The following MPHOSPH8 variants were observed in gnomAD, a reference collection of about 807,000 sequenced individuals.
MPHOSPH8 encodes M-phase phosphoprotein 8, also known as M-phase phosphoprotein, mpp.
In MPHOSPH8, 45 loss-of-function variants were observed where a neutral mutation model predicts 87.3. The ratio of observed to expected loss-of-function variants is 0.52; its 90% CI spans 0.41 to 0.66. MPHOSPH8 has a LOEUF of 0.66. Ranked by LOEUF, MPHOSPH8 falls within the 30% of genes least tolerant of loss-of-function variation. The pLI is 0.00. For synonymous variants in MPHOSPH8, 366 were observed against 376.9 expected (o/e 0.97, Z 0.33); for missense variants, 883 against 1,020.2 (o/e 0.87, Z 1.83).
Position 19,659,179 on chromosome 13 carries a change from CTT to C in MPHOSPH8, c.1703-21_1703-20del, listed in dbSNP as rs754325512. On this transcript the variant is annotated intron_variant, in intron 6 of 13. Transcript: ENST00000361479. Reference sequence around the variant, plus strand: ...ACAAATCTAGATTTATAAAATCTAACTTATTTTTTCTTTCATTTTAGATGTGT... The same window carrying C: ...ACAAATCTAGATTTATAAAATCTAACATTTTTTCTTTCATTTTAGATGTGT... 1.9e-6 allele frequency: 3 copies of C among 1,607,896 alleles called. No individual in the cohort carries two copies. The African/African-American group carries it at 4.0e-5, about 22-fold the overall frequency.
In MPHOSPH8 at chr13:19,672,015, T is replaced by C; in HGVS notation, c.*140T>C. 1.2e-6 allele frequency: 1 copy of C among 807,780 alleles called. No homozygotes were observed. The highest frequency in any genetic ancestry group is 2.0e-6 in the Non-Finnish European group (1 of 492,394). The allele number at this position is 807,780 out of a possible 1,614,324, so 50.0% of individuals were successfully genotyped here. On this transcript the variant is annotated 3_prime_UTR_variant, in exon 14 of 14. Coordinates refer to ENST00000361479, the MANE Select transcript of MPHOSPH8 (RefSeq NM_017520.4). ...CAGTTAAGCCTGTTGTCTGTTGTAG[T>C]CTGTAAGATGCGACATAGCTGTGTC...
Position 19,671,976 on chromosome 13 carries a change from C to T in MPHOSPH8, c.*101C>T, listed in dbSNP as rs1158693360. 1 of 1,215,048 alleles carries T rather than the reference C, an allele frequency of 8.2e-7. No individual in the cohort carries two copies. Among genetic ancestry groups the T allele is most frequent in the Non-Finnish European group, 1.2e-6 (1 of 831,884 alleles). The allele number at this position is 1,215,048 out of a possible 1,614,324, so 75.3% of individuals were successfully genotyped here. On this transcript the variant is annotated 3_prime_UTR_variant, in exon 14 of 14. Coordinates refer to ENST00000361479, the MANE Select transcript of MPHOSPH8 (RefSeq NM_017520.4). The stretch of plus-strand genomic sequence containing the variant: ...CTAGCACATCTATGTAAAGTTTTGT[C>T]TGTAAACCTCTTGCAGTTAAGCCTG...
chr13:19,666,616 T>C (rs750443216), intron 10 of MPHOSPH8, 37 bp downstream of exon 10: 2 of 1,541,966 alleles, frequency 1.3e-6, no homozygotes, highest in Non-Finnish European at 1.8e-6. Flanking sequence ...TTAAGTCACA[T>C]ATCATACATC....
In MPHOSPH8 at chr13:19,672,430, C is replaced by T. The variant is rs1342907237; in HGVS notation, c.*555C>T. Reference sequence around the variant, plus strand: ...AAGTGCTTGGATTACAGGCATGAGCCACCGCACCCAGCAAGAGTTATTTTC... The same window carrying T: ...AAGTGCTTGGATTACAGGCATGAGCTACCGCACCCAGCAAGAGTTATTTTC... On this transcript the variant is annotated 3_prime_UTR_variant, in exon 14 of 14. Transcript: ENST00000361479. 1 of 151,924 alleles carries T rather than the reference C, an allele frequency of 6.6e-6. No individual in the cohort carries two copies. Among genetic ancestry groups the T allele is most frequent in the South Asian group, 2.1e-4 (1 of 4,832 alleles). 9.4% of individuals were successfully genotyped at this position (151,924 alleles called of 1,614,324 possible).
chr13:19,661,465 G>A (rs1251002900), intron 7 of MPHOSPH8, among the ~76,000 whole-genome samples: 1 of 152,164 alleles, frequency 6.6e-6, no homozygotes, highest in Non-Finnish European at 1.5e-5. Context: ...AGTGAAACAA[G>A]GTAGGCCTAT....
At chr13:19,666,342 C>A in intron 9 of MPHOSPH8, 83 bp from the exon 10 acceptor site, 1 of 1,386,636 alleles carries the variant, frequency 7.2e-7, no homozygotes, top group Non-Finnish European at 9.8e-7. Flanking sequence ...TTCACAGAAC[C>A]GCTAAGCATG....
At chr13:19,650,404 T>A in intron 5 of MPHOSPH8, 144 bp downstream of exon 5, 8 of 952,584 alleles carry the variant, frequency 8.4e-6, no homozygotes, top group Non-Finnish European at 1.2e-5. Context: ...AATAACATTT[T>A]ATATTGAAGA....
chr13:19,642,480 CAA>C (rs767293842), intron 2 of MPHOSPH8, among the ~76,000 whole-genome samples: 1 of 152,046 alleles, frequency 6.6e-6, no homozygotes, highest in Non-Finnish European at 1.5e-5. Context: ...AGTTGACAAA[CAA>C]GAATAGTTTG....
In MPHOSPH8 at chr13:19,647,180, C is replaced by G; in HGVS notation, c.1107C>G (p.Ser369Arg). ...AAAAGCAGAGGAATCAAGACAGAAG[C>G]AAAAGTGCTGCAGAGTTAGAGAAGC... Reference protein sequence around the residue: ...VPKKQRNQDRSKSAAELEKLM... With the variant: ...VPKKQRNQDRRKSAAELEKLM... The change falls in exon 3 of 14, where the codon AGC becomes AGG. Residue 369 changes from serine (S) to arginine (R), a missense_variant. By Grantham distance (110) the Ser-to-Arg change is moderately radical (BLOSUM62 -1). This residue lies in a region of MPHOSPH8 where 741 missense variants were observed against 841.5 expected (regional missense o/e 0.88). Transcript: ENST00000361479. The G allele has an allele frequency of 6.2e-7, 1 of 1,614,066 alleles. No individual in the cohort carries two copies. The highest frequency in any genetic ancestry group is 8.5e-7 in the Non-Finnish European group (1 of 1,180,012).
chr13:19,638,261 T>C (rs1874106661), intron 1 of MPHOSPH8, among the ~76,000 whole-genome samples: 1 of 152,048 alleles, frequency 6.6e-6, no homozygotes, highest in Non-Finnish European at 1.5e-5. Context: ...TAAAACTGTA[T>C]TGATGTACTC....
intron 9 of MPHOSPH8, among the ~76,000 whole-genome samples, chr13:19,666,067 A>T (rs1319907676): frequency 1.3e-5 from 2 of 152,216 alleles, no homozygotes; most frequent in Non-Finnish European, 2.9e-5. Context: ...ACAGCGTGGC[A>T]TGGACAGAGG....
chr13:19,643,197 C>T (rs1157373353), intron 2 of MPHOSPH8, among the ~76,000 whole-genome samples: 4 of 152,052 alleles, frequency 2.6e-5, no homozygotes, highest in South Asian at 2.1e-4. Flanking sequence ...CTATTTTCTG[C>T]GCTTGATCTG....
At chr13:19,649,707 T>C (rs1874742517) in intron 4 of MPHOSPH8, among the ~76,000 whole-genome samples, 1 of 152,176 alleles carries the variant, frequency 6.6e-6, no homozygotes, top group Admixed American at 6.5e-5. Context: ...TGGATCACTC[T>C]GAGACTCACT....
At chr13:19,640,769 C>T (rs1874244538) in intron 1 of MPHOSPH8, among the ~76,000 whole-genome samples, 1 of 151,990 alleles carries the variant, frequency 6.6e-6, no homozygotes, top group Non-Finnish European at 1.5e-5. Flanking sequence ...AGGGATATTA[C>T]AGCTTTATTT....
chr13:19,642,319 A>C, intron 2 of MPHOSPH8, 49 bp downstream of exon 2: 1 of 1,418,328 alleles, frequency 7.1e-7, no homozygotes, highest in Non-Finnish European at 9.5e-7. Flanking sequence ...AATTTATTGT[A>C]AATTTTAACT....
At chr13:19,639,925 C>G (rs577994184) in intron 1 of MPHOSPH8, among the ~76,000 whole-genome samples, 2 of 151,954 alleles carry the variant, frequency 1.3e-5, no homozygotes, top group Non-Finnish European at 2.9e-5. Flanking sequence ...GCCAACATGC[C>G]GAAACCCCAT....
At chr13:19,658,814 G>A (rs1409893191) in intron 5 of MPHOSPH8, among the ~76,000 whole-genome samples, 181 bp from the exon 6 acceptor site, 4 of 152,074 alleles carry the variant, frequency 2.6e-5, no homozygotes, top group South Asian at 2.1e-4. Flanking sequence ...AATGTGGATC[G>A]TTCATATTAC....
intron 5 of MPHOSPH8, among the ~76,000 whole-genome samples, chr13:19,651,506 G>A (rs942854232): frequency 6.6e-5 from 10 of 150,474 alleles, no homozygotes; most frequent in Non-Finnish European, 1.5e-4. Flanking sequence ...CAGCTTGGGT[G>A]ACACAGTGAG....
intron 5 of MPHOSPH8, 29 bp from the exon 6 acceptor site, chr13:19,658,966 T>G (rs1875357136): frequency 1.3e-6 from 2 of 1,596,720 alleles, no homozygotes; most frequent in Non-Finnish European, 1.7e-6. Flanking sequence ...CAGACAAATG[T>G]ATGTTAACAA....
Sources: gnomAD v4.1 joint callset for allele counts (sites outside exome capture counted in the v4.1 genomes callset) on GRCh38, gnomAD v4.1.1 for gene constraint, gnomAD v4.1.1 regional missense constraint, MANE v1.5 for transcripts, NCBI Gene and HGNC (gene_info 2026-07-23, HGNC 2026-07-21) for gene names.